The following HDAC9 variants were observed in gnomAD, a reference collection of about 807,000 sequenced individuals.
The protein encoded by HDAC9 is MEF-2 interacting transcription repressor (MITR) protein.
Under a neutral mutation model 139.4 loss-of-function variants are expected in HDAC9, and 41 were observed. The ratio of observed to expected loss-of-function variants is 0.29; its 90% CI spans 0.23 to 0.38. HDAC9 has a LOEUF of 0.38. Among genes scored for constraint, HDAC9 ranks in the 10% least tolerant of loss-of-function variants. The pLI is 1.00. For missense variants in HDAC9, 1,147 were observed against 1,297.0 expected (o/e 0.88, Z 1.78); for synonymous variants, 517 against 476.2 (o/e 1.09, Z -1.12).
chr7:18,516,042 C>T (rs1050761083), intron 2 of HDAC9, among the ~76,000 whole-genome samples: 10 of 152,168 alleles, frequency 6.6e-5, no homozygotes, highest in East Asian at 1.9e-4. Context: ...ATATTAACTA[C>T]GTCATACTTC....
At chr7:18,407,810 T>A (rs947100366) in intron 1 of HDAC9, among the ~76,000 whole-genome samples, 6 of 152,172 alleles carry the variant, frequency 3.9e-5, no homozygotes, top group African/African-American at 1.4e-4. Flanking sequence ...TTAAAGGAAA[T>A]CTATTGTGTT....
chr7:18,804,120 C>T (rs1793517187), intron 17 of HDAC9, among the ~76,000 whole-genome samples: 2 of 152,158 alleles, frequency 1.3e-5, no homozygotes, highest in Admixed American at 6.5e-5. Context: ...AGAAGGCTAG[C>T]TCTGTTAGCT....
intron 25 of HDAC9, among the ~76,000 whole-genome samples, chr7:18,990,948 A>G (rs1411929816): frequency 6.6e-6 from 1 of 152,176 alleles, no homozygotes; most frequent in Admixed American, 6.5e-5. Flanking sequence ...ACTGTCTGGC[A>G]CTCCCTAGTG....
intron 2 of HDAC9, among the ~76,000 whole-genome samples, chr7:18,254,282 T>A (rs548557214): frequency 6.6e-6 from 1 of 152,276 alleles, no homozygotes; most frequent in South Asian, 2.1e-4. Context: ...GTGTAAAGAG[T>A]TACCTATCTA....
intron 2 of HDAC9, among the ~76,000 whole-genome samples, chr7:18,223,881 A>G (rs1305879710): frequency 1.3e-5 from 2 of 152,136 alleles, no homozygotes; most frequent in Non-Finnish European, 2.9e-5. Context: ...ATTCACACAT[A>G]TCTTTTCTTC....
intron 1 of HDAC9, among the ~76,000 whole-genome samples, chr7:18,402,353 A>G (rs1313997987): frequency 6.6e-6 from 1 of 152,198 alleles, no homozygotes; most frequent in East Asian, 1.9e-4. Flanking sequence ...GAAATGAAGT[A>G]AATCTTAAAG....
intron 22 of HDAC9, among the ~76,000 whole-genome samples, chr7:18,910,766 G>C (rs909052514): frequency 1.3e-5 from 2 of 151,824 alleles, no homozygotes; most frequent in Non-Finnish European, 2.9e-5. Flanking sequence ...TTATTGTTTT[G>C]TCTAAGTTGA....
At chr7:18,953,093 G>GT (rs907149314) in intron 23 of HDAC9, among the ~76,000 whole-genome samples, 18 of 151,960 alleles carry the variant, frequency 1.2e-4, no homozygotes, top group Non-Finnish European at 2.2e-4. Context: ...TAATCCCTGT[G>GT]TTTTTTTAGG....
intron 2 of HDAC9, among the ~76,000 whole-genome samples, chr7:18,265,929 C>T (rs1795966198): frequency 6.6e-6 from 1 of 151,998 alleles, no homozygotes; most frequent in Non-Finnish European, 1.5e-5. Context: ...TCTATAATAC[C>T]ACACCGAAAC....
upstream of HDAC9, among the ~76,000 whole-genome samples, chr7:18,493,891 C>T (rs536942017): frequency 7.2e-5 from 11 of 151,984 alleles, no homozygotes; most frequent in South Asian, 2.3e-3. Flanking sequence ...TTAGGCAACT[C>T]GCAGGTACCT....
chr7:18,337,591 T>G (rs1391631723), intron 1 of HDAC9, among the ~76,000 whole-genome samples: 2 of 151,750 alleles, frequency 1.3e-5, no homozygotes, highest in Non-Finnish European at 3.0e-5. Context: ...CAAGGGCACT[T>G]GCTGACTCCG....
intron 17 of HDAC9, among the ~76,000 whole-genome samples, chr7:18,821,625 T>C (rs1794981531): frequency 6.6e-6 from 1 of 152,210 alleles, no homozygotes; most frequent in African/African-American, 2.4e-5. Context: ...TATGTGTTTT[T>C]TCCTACAGCC....
intron 1 of HDAC9, among the ~76,000 whole-genome samples, chr7:18,434,842 A>G (rs80004739): frequency 0.047 from 7,117 of 152,200 alleles, 276 homozygotes; most frequent in African/African-American, 0.11. Context: ...TGATTACTCA[A>G]ATAACTTCTA....
At chr7:18,774,655 T>C (rs1442780684) in intron 16 of HDAC9, among the ~76,000 whole-genome samples, 3 of 152,094 alleles carry the variant, frequency 2.0e-5, no homozygotes, top group Non-Finnish European at 4.4e-5. Flanking sequence ...TTTGCTTCAA[T>C]ATTGAGGGCC....
At chr7:18,649,182 T>A (rs972107206) in intron 11 of HDAC9, among the ~76,000 whole-genome samples, 6 of 152,196 alleles carry the variant, frequency 3.9e-5, no homozygotes, top group Admixed American at 2.6e-4. Context: ...CGGAAACTTG[T>A]GATCATTTCT....
intron 17 of HDAC9, among the ~76,000 whole-genome samples, chr7:18,795,450 T>G (rs1229074143): frequency 1.3e-5 from 2 of 152,144 alleles, no homozygotes; most frequent in Admixed American, 6.5e-5. Context: ...ACTGGCATTT[T>G]GAGCTATTTG....
chr7:18,258,029 C>T (rs1348856355), intron 2 of HDAC9, among the ~76,000 whole-genome samples: 1 of 152,144 alleles, frequency 6.6e-6, no homozygotes, highest in Non-Finnish European at 1.5e-5. Context: ...TGTTGAGAAG[C>T]ACATATTAAA....
chr7:18,150,498 G>A (rs984666458), intron 1 of HDAC9, among the ~76,000 whole-genome samples: 1 of 152,152 alleles, frequency 6.6e-6, no homozygotes. Context: ...GCCTTACCTT[G>A]AAAAGCATGA....
intron 2 of HDAC9, among the ~76,000 whole-genome samples, chr7:18,511,854 A>G (rs1382733974): frequency 1.3e-5 from 2 of 152,092 alleles, no homozygotes; most frequent in East Asian, 1.9e-4. Flanking sequence ...GTAGAGAATT[A>G]CTTTTTTCTG....
Sources: gnomAD v4.1 joint callset for allele counts (sites outside exome capture counted in the v4.1 genomes callset) on GRCh38, gnomAD v4.1.1 for gene constraint, MANE v1.5 for transcripts, NCBI Gene and HGNC (gene_info 2026-07-23, HGNC 2026-07-21) for gene names.